CPNE4: variants seen among roughly 807,000 people sequenced by gnomAD.
CPNE4 encodes the protein copine-4.
Under a neutral mutation model 67.9 loss-of-function variants are expected in CPNE4, and 25 were observed. The ratio of observed to expected loss-of-function variants is 0.37; its 90% CI spans 0.27 to 0.51. The LOEUF is 0.51. CPNE4 is among the 20% of genes least tolerant of loss of function. The pLI is 0.93. For missense variants in CPNE4, 464 were observed against 690.8 expected, an observed-to-expected ratio of 0.67 and a Z score of 3.68; for synonymous variants, 242 against 244.9, an observed-to-expected ratio of 0.99 and a Z score of 0.11.
intron 2 of CPNE4, among the ~76,000 whole-genome samples, chr3:131,894,072 AC>A (rs2088224308): frequency 6.6e-6 from 1 of 151,908 alleles, no homozygotes; most frequent in African/African-American, 2.4e-5. Context: ...GATAGTCTAA[AC>A]TGTTATTAAC....
chr3:131,587,443 A>G (rs369892694), intron 8 of CPNE4, 41 bp downstream of exon 8: 11 of 1,311,276 alleles, frequency 8.4e-6, no homozygotes, highest in Non-Finnish European at 1.2e-5. Context: ...AGGATGCATC[A>G]TACCGACTGG....
At chr3:131,676,084 C>CTCA (rs2080559749) in intron 6 of CPNE4, among the ~76,000 whole-genome samples, 1 of 136,620 alleles carries the variant, frequency 7.3e-6, no homozygotes, top group Non-Finnish European at 1.7e-5. Context: ...GAGATGGAGT[C>CTCA]TCATTCTGTT....
At chr3:131,667,570 G>A (rs965163988) in intron 7 of CPNE4, among the ~76,000 whole-genome samples, 1 of 151,920 alleles carries the variant, frequency 6.6e-6, no homozygotes, top group African/African-American at 2.4e-5. Flanking sequence ...AATAGTGCAC[G>A]TGTGGAGAAA....
intron 14 of CPNE4, among the ~76,000 whole-genome samples, chr3:131,549,119 G>T (rs1189133175): frequency 6.6e-6 from 1 of 152,146 alleles, no homozygotes; most frequent in Non-Finnish European, 1.5e-5. Flanking sequence ...ATGTGCTCAA[G>T]TACACAAAAG....
intron 1 of CPNE4, among the ~76,000 whole-genome samples, chr3:131,996,484 A>G (rs1157635837): frequency 5.7e-5 from 1 of 17,522 alleles, no homozygotes; most frequent in African/African-American, 7.9e-4. Context: ...TAAAATGGAG[A>G]AAATAATAAA....
intron 2 of CPNE4, among the ~76,000 whole-genome samples, chr3:131,761,442 A>G (rs1371530387): frequency 2.6e-5 from 4 of 152,016 alleles, no homozygotes. Context: ...AGAAAAATGG[A>G]ATTTTTAAAA....
At chr3:131,656,049 GTTTCTT>G (rs914219010) in intron 7 of CPNE4, among the ~76,000 whole-genome samples, 8 of 135,814 alleles carry the variant, frequency 5.9e-5, no homozygotes, top group African/African-American at 2.2e-4. Context: ...CCACAATACT[GTTTCTT>G]TTTTTTTTTT....
intron 2 of CPNE4, among the ~76,000 whole-genome samples, chr3:131,767,676 T>G (rs939974964): frequency 1.3e-5 from 2 of 152,134 alleles, no homozygotes; most frequent in African/African-American, 4.8e-5. Flanking sequence ...AACAATAGCT[T>G]CAGACCCAAT....
intron 1 of CPNE4, among the ~76,000 whole-genome samples, chr3:132,000,610 A>C (rs954298298): frequency 6.6e-6 from 1 of 151,828 alleles, no homozygotes; most frequent in Non-Finnish European, 1.5e-5. Flanking sequence ...AAATTTTAGA[A>C]AAGGGAAATT....
intron 2 of CPNE4, among the ~76,000 whole-genome samples, chr3:131,819,845 T>G (rs911471154): frequency 3.9e-5 from 6 of 152,142 alleles, no homozygotes; most frequent in African/African-American, 1.4e-4. Context: ...TAAACAATGA[T>G]GTGGAAAGTA....
intron 2 of CPNE4, among the ~76,000 whole-genome samples, chr3:131,873,777 GC>G (rs2087317133): frequency 6.6e-6 from 1 of 152,160 alleles, no homozygotes. Flanking sequence ...GATGCATTGA[GC>G]CCCAGGACAG....
chr3:131,665,703 AG>A lies in CPNE4; in HGVS notation c.681+3971del, dbSNP rs533163357. ...AACAAACAAAAAACAGAAAGAAAAG[AG>A]AAAAAGAAAAAAAGTTAATGGGAAA... On this transcript the variant is annotated intron_variant, in intron 7 of 15. Transcript: ENST00000429747. Among the ~76,000 whole-genome samples the A allele has an allele frequency of 2.0e-3, 296 of 151,350 alleles. 5 individuals are homozygous for A. Among genetic ancestry groups the A allele is most frequent in the South Asian group, 0.018 (88 of 4,798 alleles).
intron 2 of CPNE4, among the ~76,000 whole-genome samples, chr3:131,770,432 C>G (rs964961184): frequency 3.9e-5 from 6 of 152,222 alleles, no homozygotes; most frequent in African/African-American, 1.4e-4. Flanking sequence ...CCCCGCAAAG[C>G]GGGGTAGAAC....
chr3:131,539,707 G>A lies in CPNE4; in HGVS notation c.1539+2850C>T, dbSNP rs559582784. 2.6e-5 allele frequency among the ~76,000 whole-genome samples: 4 copies of A among 152,272 alleles called. No homozygotes were observed. In the South Asian group the frequency reaches 8.3e-4, roughly 32 times the overall value. On this transcript the variant is annotated intron_variant, in intron 15 of 15. Coordinates refer to ENST00000429747, the MANE Select transcript of CPNE4 (RefSeq NM_130808.3). ...CAAGTGTGTGTGGGGAAGTGGGGAG[G>A]TGGGGGATGCAGAGGGGAGAGAGGG...
At chr3:131,797,428 A>G (rs1397715147) in intron 2 of CPNE4, among the ~76,000 whole-genome samples, 1 of 152,176 alleles carries the variant, frequency 6.6e-6, no homozygotes, top group African/African-American at 2.4e-5. Context: ...ATTTTGTCAC[A>G]GAGAACTCCC....
chr3:131,654,602 G>A (rs115889171), intron 7 of CPNE4, among the ~76,000 whole-genome samples: 6 of 152,030 alleles, frequency 3.9e-5, no homozygotes, highest in Non-Finnish European at 8.8e-5. Context: ...TTGTGCACTG[G>A]GGCCAGCTTT....
chr3:131,554,520 G>T (rs1414789832), intron 12 of CPNE4, among the ~76,000 whole-genome samples: 6 of 152,100 alleles, frequency 3.9e-5, no homozygotes, highest in Non-Finnish European at 8.8e-5. Flanking sequence ...AGAAAGGCCA[G>T]TGTGGAATAC....
intron 2 of CPNE4, among the ~76,000 whole-genome samples, chr3:131,862,977 T>C (rs201904613): frequency 0.065 from 9,569 of 148,356 alleles, 416 homozygotes; most frequent in East Asian, 0.14. Context: ...TTTGTCCTTA[T>C]GATAGTTTGC....
chr3:131,899,711 G>A (rs2088477907), intron 2 of CPNE4, among the ~76,000 whole-genome samples: 1 of 152,096 alleles, frequency 6.6e-6, no homozygotes, highest in Admixed American at 6.6e-5. Context: ...AACACAGATT[G>A]ATGGCTACTT....
Sources: gnomAD v4.1 joint callset for allele counts (sites outside exome capture counted in the v4.1 genomes callset) on GRCh38, gnomAD v4.1.1 for gene constraint, MANE v1.5 for transcripts, NCBI Gene and HGNC (gene_info 2026-07-23, HGNC 2026-07-21) for gene names.